Variants in ZNF141 observed in about 807,000 individuals in gnomAD.
ZNF141 encodes the protein zinc finger protein 141 (clone pHZ-44).
Under a neutral mutation model 11.3 loss-of-function variants are expected in ZNF141, and 7 were observed. That is an observed-to-expected ratio of 0.62 (90% confidence interval 0.35 to 1.16). The LOEUF (loss-of-function observed/expected upper bound fraction) is 1.16. ZNF141 is among the 50% of genes most tolerant of loss of function. The probability of loss-of-function intolerance (pLI) is 0.02; values close to 1 mark genes in which losing one functional copy is unlikely to be tolerated. For synonymous variants in ZNF141, 183 were observed against 190.7 expected, an observed-to-expected ratio of 0.96 and a Z score of 0.33; for missense variants, 535 against 554.0, an observed-to-expected ratio of 0.97 and a Z score of 0.34.
intron 3 of ZNF141, among the ~76,000 whole-genome samples, chr4:369,703 G>A (rs1479114035): frequency 1.6e-5 from 2 of 121,920 alleles, no homozygotes; most frequent in Non-Finnish European, 3.3e-5. Context: ...ATACCTTTGT[G>A]GTATCTTGGG....
Position 382,213 on chromosome 4 carries a change from T to C in ZNF141, c.*8351T>C, listed in dbSNP as rs1212201615. 6.6e-6 allele frequency among the ~76,000 whole-genome samples: 1 copy of C among 152,134 alleles called. No homozygotes were observed. Among genetic ancestry groups the C allele is most frequent in the Non-Finnish European group, 1.5e-5 (1 of 68,032 alleles). On this transcript the variant is annotated 3_prime_UTR_variant, in exon 4 of 4. Coordinates refer to ENST00000240499, the MANE Select transcript of ZNF141 (RefSeq NM_003441.4). ...CGCCTGCCTCAGCCTACCAAAGTGCTGGGATTACAGGCATGAGCCACCGCG... is the reference window on the plus strand; with the variant it reads ...CGCCTGCCTCAGCCTACCAAAGTGCCGGGATTACAGGCATGAGCCACCGCG...
rs536456316 is a variant in ZNF141 at position 364,263 on chromosome 4, A to G, written c.227-8401A>G. Reference sequence around the variant, plus strand: ...ATTGATTGAAATAGTTTCAGAAGGAATGATACCAGCTCTTCTTTGTACCTC... The same window carrying G: ...ATTGATTGAAATAGTTTCAGAAGGAGTGATACCAGCTCTTCTTTGTACCTC... On this transcript the variant is annotated intron_variant, in intron 3 of 3. Transcript: ENST00000240499. Among the ~76,000 whole-genome samples, 4 of 152,332 alleles carry G rather than the reference A, an allele frequency of 2.6e-5. No homozygotes were observed. In the East Asian group the frequency reaches 7.7e-4, roughly 29 times the overall value.
chr4:381,523 C>T lies in ZNF141; in HGVS notation c.*7661C>T, dbSNP rs1418248843. Among the ~76,000 whole-genome samples, 1 of 150,722 alleles carries T rather than the reference C, an allele frequency of 6.6e-6. No homozygotes were observed. The highest frequency in any genetic ancestry group is 1.5e-5 in the Non-Finnish European group (1 of 67,880). ...TCCTGGGTTCACACAATTTGCCTGC[C>T]TCAGCCCCCTGAGTAGCTGGGACTA... On this transcript the variant is annotated 3_prime_UTR_variant, in exon 4 of 4. Transcript: ENST00000240499.
rs547065594 is a variant in ZNF141 at position 381,578 on chromosome 4, T to A, written c.*7716T>A. 1.0e-3 allele frequency among the ~76,000 whole-genome samples: 157 copies of A among 151,580 alleles called. No homozygotes were observed. The highest frequency in any genetic ancestry group is 1.8e-3 in the Non-Finnish European group (122 of 67,886). ...GTGCGCCCCACCACGCCTGAAAAAT[T>A]TTTGTATTTTTAGTAGAGACGGGGT... On this transcript the variant is annotated 3_prime_UTR_variant, in exon 4 of 4. Coordinates refer to ENST00000240499, the MANE Select transcript of ZNF141 (RefSeq NM_003441.4).
At chr4:358,777 T>C (rs1721972609) in intron 3 of ZNF141, among the ~76,000 whole-genome samples, 1 of 152,062 alleles carries the variant, frequency 6.6e-6, no homozygotes, top group Non-Finnish European at 1.5e-5. Flanking sequence ...GGTTTCACCA[T>C]GTTGGCCAGG....
chr4:345,508 C>T (rs1560181945), intron 3 of ZNF141, among the ~76,000 whole-genome samples: 1 of 152,040 alleles, frequency 6.6e-6, no homozygotes, highest in East Asian at 1.9e-4. Context: ...GAGCTCGGAT[C>T]ATCTGAGATC....
In ZNF141 at chr4:345,490, T is replaced by C. The variant is rs868983539; in HGVS notation, c.226+1060T>C. 6.6e-5 allele frequency among the ~76,000 whole-genome samples: 10 copies of C among 152,086 alleles called. No individual in the cohort carries two copies. The South Asian group carries it at 1.7e-3, about 25-fold the overall frequency. On this transcript the variant is annotated intron_variant, in intron 3 of 3. Transcript: ENST00000240499. ...ACATAAAATACACTAACACTAATGATAGCTGATGAGCTCGGATCATCTGAG... is the reference window on the plus strand; with the variant it reads ...ACATAAAATACACTAACACTAATGACAGCTGATGAGCTCGGATCATCTGAG...
rs1553854112 is a variant in ZNF141 at position 373,732 on chromosome 4, T to C, written c.1295T>C (p.Phe432Ser). The C allele has an allele frequency of 6.2e-7, 1 of 1,614,160 alleles. No individual in the cohort carries two copies. Among genetic ancestry groups the C allele is most frequent in the South Asian group, 1.1e-5 (1 of 91,078 alleles). Residue 432 changes from phenylalanine (F) to serine (S), a missense_variant, in exon 4 of 4, where the codon TTT becomes TCT. By Grantham distance (155) the Phe-to-Ser change is radical. Transcript: ENST00000240499. The stretch of plus-strand genomic sequence containing the variant: ...AAATGTAAAGAATGTGACAAAGCCT[T>C]TAAACAATTTTCGCTCCTGAGTCAA... Reference protein sequence around the residue: ...PYKCKECDKAFKQFSLLSQHK... With the variant: ...PYKCKECDKASKQFSLLSQHK...
intron 1 of ZNF141, among the ~76,000 whole-genome samples, chr4:339,672 A>G (rs1720960600): frequency 6.6e-6 from 1 of 152,200 alleles, no homozygotes; most frequent in East Asian, 1.9e-4. Flanking sequence ...GCTTCTTTGA[A>G]ATATATATAA....
chr4:368,681 A>G (rs1244103155), intron 3 of ZNF141, among the ~76,000 whole-genome samples: 1 of 152,230 alleles, frequency 6.6e-6, no homozygotes, highest in East Asian at 1.9e-4. Flanking sequence ...TACTCTTTAT[A>G]TGACCATATG....
Position 378,760 on chromosome 4 carries a change from C to G in ZNF141, c.*4898C>G, listed in dbSNP as rs1336663002. Among the ~76,000 whole-genome samples the G allele has an allele frequency of 6.6e-6, 1 of 151,316 alleles. No homozygotes were observed. Among genetic ancestry groups the G allele is most frequent in the African/African-American group, 2.4e-5 (1 of 41,112 alleles). On this transcript the variant is annotated 3_prime_UTR_variant, in exon 4 of 4. Transcript: ENST00000240499. Reference sequence around the variant, plus strand: ...TCATTTTTACTCACCTAACTTTATCCAAGTCCTTGGTCACCTTCTCTGGAA... The same window carrying G: ...TCATTTTTACTCACCTAACTTTATCGAAGTCCTTGGTCACCTTCTCTGGAA...
Position 377,231 on chromosome 4 carries a change from T to A in ZNF141, c.*3369T>A, listed in dbSNP as rs560206211. On this transcript the variant is annotated 3_prime_UTR_variant, in exon 4 of 4. Transcript: ENST00000240499. ...TGGAAAACTTTGTCAGTCATGGGGA[T>A]GTTTTGATCTATTATTGTAGTGAAC... Among the ~76,000 whole-genome samples, 6 of 152,302 alleles carry A rather than the reference T, an allele frequency of 3.9e-5. No individual in the cohort carries two copies. The highest frequency in any genetic ancestry group is 1.4e-4 in the African/African-American group (6 of 41,570).
chr4:345,110 T>C lies in ZNF141; in HGVS notation c.226+680T>C, dbSNP rs1246529298. 3.3e-5 allele frequency among the ~76,000 whole-genome samples: 5 copies of C among 152,308 alleles called. No homozygotes were observed. The East Asian group carries it at 7.7e-4, about 24-fold the overall frequency. On this transcript the variant is annotated intron_variant, in intron 3 of 3. Coordinates refer to ENST00000240499, the MANE Select transcript of ZNF141 (RefSeq NM_003441.4). ...TTTTTTTCAAGTATTCTTTTCGTAT[T>C]ATGTCTAAAATGTGTAACGTGAGTA...
At chr4:348,066 G>A (rs782100535) in intron 3 of ZNF141, among the ~76,000 whole-genome samples, 18 of 151,748 alleles carry the variant, frequency 1.2e-4, no homozygotes, top group Non-Finnish European at 7.4e-5. Context: ...AGATGGTCTC[G>A]ATCTCCTGAT....
intron 3 of ZNF141, among the ~76,000 whole-genome samples, chr4:357,368 G>T (rs1309114237): frequency 6.7e-6 from 1 of 150,288 alleles, no homozygotes; most frequent in Non-Finnish European, 1.5e-5. Context: ...GCAGTGAGCC[G>T]AGATGTCACC....
intron 3 of ZNF141, among the ~76,000 whole-genome samples, chr4:356,590 G>T (rs1027708069): frequency 4.6e-5 from 7 of 152,102 alleles, no homozygotes; most frequent in Non-Finnish European, 1.0e-4. Context: ...GGAATTAGAG[G>T]TGTGAGCCAC....
chr4:343,019 G>A lies in ZNF141; in HGVS notation c.4-763G>A, dbSNP rs1244583085. 1.6e-5 allele frequency: 10 copies of A among 630,860 alleles called. No homozygotes were observed. The East Asian group carries it at 3.6e-4, about 23-fold the overall frequency. The allele number at this position is 630,860 out of a possible 1,614,324, so 39.1% of individuals were successfully genotyped here. A position where few individuals can be genotyped will look rare whatever the true frequency, so the allele number is the denominator to read the frequency against. ...TAAAAAAGTATTAAAAAAGTTCCTT[G>A]CATGATTAAAAAAGTATTAAAAAAG... On this transcript the variant is annotated intron_variant, in intron 1 of 3. Transcript: ENST00000240499.
In ZNF141 at chr4:342,899, A is replaced by G. The variant is rs146320086; in HGVS notation, c.4-883A>G. On this transcript the variant is annotated intron_variant, in intron 1 of 3. Coordinates refer to ENST00000240499, the MANE Select transcript of ZNF141 (RefSeq NM_003441.4). ...AGGTTGAACAGACTGCCGAAGTCCA[A>G]AAGCTTCAGCATTTCCTTAGTGTCA... is the stretch of plus-strand genomic sequence containing the variant. 1.1e-3 allele frequency: 1,726 copies of G among 1,599,300 alleles called. 22 individuals carry two copies. In the African/African-American group the frequency reaches 0.019, roughly 17 times the overall value.
At chr4:360,237 C>G (rs1291274163) in intron 3 of ZNF141, among the ~76,000 whole-genome samples, 2 of 152,166 alleles carry the variant, frequency 1.3e-5, no homozygotes, top group African/African-American at 4.8e-5. Context: ...GCCTCCTATT[C>G]TGCCATCTTG....
Sources: allele counts gnomAD v4.1 joint callset (sites outside exome capture counted in the v4.1 genomes callset), GRCh38; gene constraint gnomAD v4.1.1; transcripts MANE v1.5; gene names NCBI Gene and HGNC (gene_info 2026-07-23, HGNC 2026-07-21).